The following KIAA0319 variants were observed in gnomAD, a reference collection of about 807,000 sequenced individuals.
KIAA0319 encodes the protein dyslexia-associated protein KIAA0319.
Under a neutral mutation model 108.4 loss-of-function variants are expected in KIAA0319, and 83 were observed. That is an observed-to-expected ratio of 0.77 (90% CI 0.64 to 0.92). The LOEUF (loss-of-function observed/expected upper bound fraction) is 0.92. Among genes scored for constraint, KIAA0319 ranks in the 40% least tolerant of loss-of-function variants. The pLI, the probability that KIAA0319 is intolerant of heterozygous loss-of-function variation, is 0.00. For missense variants in KIAA0319, 1,195 were observed against 1,322.4 expected (o/e 0.90, Z 1.49); for synonymous variants, 484 against 510.4 (o/e 0.95, Z 0.70).
At chr6:24,645,502 A>C (rs1415712632) in intron 1 of KIAA0319, 1 of 152,236 alleles carries the variant, frequency 6.6e-6, no homozygotes, top group Non-Finnish European at 1.5e-5. Flanking sequence ...TTCTAAAAAA[A>C]TGCAATTCGT....
intron 2 of KIAA0319, chr6:24,598,395 C>A (rs1582150347): frequency 1.6e-6 from 1 of 611,162 alleles, no homozygotes; most frequent in South Asian, 1.4e-5. Flanking sequence ...TGCTGGAGAC[C>A]AACTGGAGCC....
At position 24,646,101 on chromosome 6, in the gene KIAA0319, A is replaced by G. The variant is rs1777584123; in HGVS notation, c.-471T>C. 1 of 152,462 alleles carries G rather than the reference A, an allele frequency of 6.6e-6. No individual in the cohort carries two copies. Among genetic ancestry groups the G allele is most frequent in the Admixed American group, 6.5e-5 (1 of 15,286 alleles). The allele number at this position is 152,462 out of a possible 1,614,324, so 9.4% of individuals were successfully genotyped here. ...GCCAGCCAGGCCCGCCGAGGGCAGC[A>G]CAGGTGGAGCAAGGTTGCACCCCCG... On this transcript the variant is annotated 5_prime_UTR_variant, in exon 1 of 21. Coordinates refer to ENST00000378214, the MANE Select transcript of KIAA0319 (RefSeq NM_014809.4).
chr6:24,608,333 A>G (rs1006120719), intron 1 of KIAA0319, among the ~76,000 whole-genome samples: 4 of 152,170 alleles, frequency 2.6e-5, no homozygotes, highest in African/African-American at 9.6e-5. Context: ...TAGTCTCAAT[A>G]TCATAAATAT....
chr6:24,562,359 T>C lies in KIAA0319; in HGVS notation c.2591+1000A>G, dbSNP rs891696636. ...TATGATCCATTTTAGAAAGAGTTCC[T>C]TAGAAAATAATTAGAACATGTTTAA... On this transcript the variant is annotated intron_variant, in intron 16 of 20. Coordinates refer to ENST00000378214, the MANE Select transcript of KIAA0319 (RefSeq NM_014809.4). Among the ~76,000 whole-genome samples the C allele has an allele frequency of 1.1e-4, 16 of 152,334 alleles. 1 individual carries two copies. Among genetic ancestry groups the C allele is most frequent in the African/African-American group, 3.8e-4 (16 of 41,588 alleles).
intron 17 of KIAA0319, among the ~76,000 whole-genome samples, chr6:24,558,740 G>A (rs746268398): frequency 2.6e-5 from 4 of 152,316 alleles, no homozygotes; most frequent in East Asian, 3.9e-4. Context: ...ACACTTATTT[G>A]TCTTTAACAC....
At chr6:24,552,641 T>C (rs529351755) in intron 19 of KIAA0319, among the ~76,000 whole-genome samples, 23 of 152,358 alleles carry the variant, frequency 1.5e-4, no homozygotes, top group African/African-American at 5.3e-4. Flanking sequence ...GTTTTGCTTT[T>C]GTTGCCCTGG....
At chr6:24,642,229 AAGAG>A (rs200208612) in intron 1 of KIAA0319, among the ~76,000 whole-genome samples, 1 of 150,262 alleles carries the variant, frequency 6.7e-6, no homozygotes, top group East Asian at 1.9e-4. Context: ...GAAGGAAAGA[AAGAG>A]AAAGAAAAAA....
At chr6:24,542,135 T>C (rs1172767318), downstream of KIAA0319, among the ~76,000 whole-genome samples, 1 of 152,108 alleles carries the variant, frequency 6.6e-6, no homozygotes, top group Non-Finnish European at 1.5e-5. Context: ...AGCAAGACTG[T>C]CTGAAAAAAA....
At position 24,571,831 on chromosome 6, in the gene KIAA0319, A is replaced by G. The variant is rs151285475; in HGVS notation, c.1858+744T>C. Among the ~76,000 whole-genome samples, 117 of 152,290 alleles carry G rather than the reference A, an allele frequency of 7.7e-4. 1 individual carries two copies. The highest frequency in any genetic ancestry group is 2.3e-3 in the African/African-American group (94 of 41,568). On this transcript the variant is annotated intron_variant, in intron 11 of 20. Transcript: ENST00000378214. ...GAGCTCATGTACGAGCTCTTTGCAG[A>G]TGCATCTCACCCAGGTGAGTGCTCT...
intron 3 of KIAA0319, among the ~76,000 whole-genome samples, chr6:24,593,541 C>T (rs1210023527): frequency 1.3e-5 from 2 of 151,738 alleles, no homozygotes; most frequent in African/African-American, 2.4e-5. Context: ...GCTGGGACTA[C>T]AGGCACATAC....
chr6:24,636,809 T>C (rs1776267938), intron 1 of KIAA0319, among the ~76,000 whole-genome samples: 2 of 152,176 alleles, frequency 1.3e-5, no homozygotes, highest in Admixed American at 1.3e-4. Flanking sequence ...TTTTCTTTTT[T>C]TTTTCTCAGA....
chr6:24,608,299 CATGAATAA>C (rs202123469), intron 1 of KIAA0319, among the ~76,000 whole-genome samples: 123 of 151,932 alleles, frequency 8.1e-4, no homozygotes, highest in East Asian at 6.9e-3. Flanking sequence ...TGGAGGAAAC[CATGAATAA>C]ATGTTCTTGG....
At chr6:24,560,665 T>A (rs1009155123) in intron 16 of KIAA0319, among the ~76,000 whole-genome samples, 13 of 152,200 alleles carry the variant, frequency 8.5e-5, no homozygotes, top group Non-Finnish European at 1.3e-4. Context: ...ATCCTTGGTA[T>A]TCCTTGGCTT....
At chr6:24,573,467 AC>A (rs1173598387) in intron 10 of KIAA0319, among the ~76,000 whole-genome samples, 2 of 152,248 alleles carry the variant, frequency 1.3e-5, no homozygotes, top group East Asian at 3.8e-4. Context: ...GTTTATAAGT[AC>A]TAAAATGGAA....
chr6:24,610,323 C>G (rs1335861163), intron 1 of KIAA0319, among the ~76,000 whole-genome samples: 1 of 152,082 alleles, frequency 6.6e-6, no homozygotes, highest in Non-Finnish European at 1.5e-5. Flanking sequence ...CTAATAAGCT[C>G]ATGAAAATAT....
intron 1 of KIAA0319, among the ~76,000 whole-genome samples, chr6:24,616,896 C>T (rs1773227171): frequency 6.6e-6 from 1 of 151,920 alleles, no homozygotes; most frequent in African/African-American, 2.4e-5. Context: ...AACAATAAAA[C>T]TATAAAATGT....
chr6:24,548,104 T>C (rs1348828369), intron 20 of KIAA0319, among the ~76,000 whole-genome samples: 4 of 152,144 alleles, frequency 2.6e-5, no homozygotes, highest in African/African-American at 4.8e-5. Context: ...GGTTAGATGT[T>C]TTTTAAATTG....
In KIAA0319 at chr6:24,601,020, C is replaced by T. The variant is rs745450046; in HGVS notation, c.55+29G>A. On this transcript the variant is annotated intron_variant, in intron 2 of 20. Coordinates refer to ENST00000378214, the MANE Select transcript of KIAA0319 (RefSeq NM_014809.4). ...CTAGTCAAGAAACTCAAGTCCAACACGGGTATCTCCAGGGTAGTAGTTCCC... is the reference window on the plus strand; with the variant it reads ...CTAGTCAAGAAACTCAAGTCCAACATGGGTATCTCCAGGGTAGTAGTTCCC... 4 of 1,613,554 alleles carry T rather than the reference C, an allele frequency of 2.5e-6. No homozygotes were observed. In the East Asian group the frequency reaches 6.7e-5, roughly 27 times the overall value.
intron 16 of KIAA0319, among the ~76,000 whole-genome samples, chr6:24,560,520 A>G (rs1443580612): frequency 2.6e-5 from 4 of 152,216 alleles, no homozygotes; most frequent in Admixed American, 2.6e-4. Flanking sequence ...AGCTACTCCA[A>G]TCTGTATTCA....
Sources: allele counts gnomAD v4.1 joint callset (sites outside exome capture counted in the v4.1 genomes callset), GRCh38; gene constraint gnomAD v4.1.1; transcripts MANE v1.5; gene names NCBI Gene and HGNC (gene_info 2026-07-23, HGNC 2026-07-21).